Variants in CLN6 observed in about 807,000 individuals in gnomAD.
The protein encoded by CLN6 is CLN6 transmembrane ER protein.
CLN6 carries 22 observed loss-of-function variants against 33.3 expected under a neutral mutation model. The observed-to-expected ratio is 0.66, with a 90% CI of 0.47 to 0.94. CLN6 has a LOEUF of 0.94. Ranked by LOEUF, CLN6 falls within the 40% of genes least tolerant of loss-of-function variation. CLN6 has a pLI of 0.00. For synonymous variants in CLN6, 201 were observed against 174.6 expected, an observed-to-expected ratio of 1.15 and a Z score of -1.19; for missense variants, 387 against 417.1, an observed-to-expected ratio of 0.93 and a Z score of 0.63.
chr15:68,227,816 G>A lies in CLN6; in HGVS notation c.83+1686C>T, dbSNP rs2141154634. On this transcript the variant is annotated intron_variant, in intron 1 of 6. Transcript: ENST00000249806. This position sits in a 1 kb window ranked among gnomAD's most constrained non-coding sequence, Gnocchi z 4.1. ...AGACTGAGTAAGATGCTAGACATGGGAGCCCCACACAGGAGATAAAGTGGT... is the reference window on the plus strand; with the variant it reads ...AGACTGAGTAAGATGCTAGACATGGAAGCCCCACACAGGAGATAAAGTGGT... 6.6e-6 allele frequency among the ~76,000 whole-genome samples: 1 copy of A among 152,302 alleles called. No individual in the cohort carries two copies. The highest frequency in any genetic ancestry group is 2.1e-4 in the South Asian group (1 of 4,826).
rs369814676 is a variant in CLN6, at chr15:68,241,453, G to A, written c.179+15237C>T. Among the ~76,000 whole-genome samples, 5 of 152,114 alleles carry A rather than the reference G, an allele frequency of 3.3e-5. No individual in the cohort carries two copies. Among genetic ancestry groups the A allele is most frequent in the Non-Finnish European group, 4.4e-5 (3 of 68,028 alleles). On this transcript the variant is annotated intron_variant, in intron 1 of 6. Transcript: ENST00000538696. This position sits in a 1 kb window ranked among gnomAD's most constrained non-coding sequence, Gnocchi z 4.2. ...GCACCAAGTGTGTGGGAAATTTCCC[G>A]ACTCAACGATTTCTGCACTGGAAAA...
exon 1 of CLN6, chr15:68,257,057 G>T: frequency 2.1e-6 from 1 of 479,322 alleles, no homozygotes; most frequent in South Asian, 3.8e-5. Flanking sequence ...CTGGTGCCAT[G>T]CGGTTGGGCC....
rs372162724 is a variant in CLN6, at chr15:68,236,421, A to G, written c.180-17771T>C. On this transcript the variant is annotated intron_variant, in intron 1 of 6. Transcript: ENST00000538696. The surrounding 1 kb of genome is among the most constrained non-coding windows in gnomAD (Gnocchi z 4.5). ...AAATTCAGTGGACTATTATACAGCT[A>G]TAAGAAGGCACTAAGTACTGATGTA... is the stretch of plus-strand genomic sequence containing the variant. Among the ~76,000 whole-genome samples the G allele has an allele frequency of 8.5e-5, 13 of 152,372 alleles. No homozygotes were observed. The East Asian group carries it at 1.5e-3, about 18-fold the overall frequency.
At position 68,211,727 on chromosome 15, in the gene CLN6, T is replaced by C. The variant is rs796052354; in HGVS notation, c.434A>G (p.His145Arg). ...GATGGGGTTCTCACGGACAGACAGG[T>C]GGTGCTGGTAGCCACTGAAGAGCAG... Reference protein sequence around the residue: ...HRLLFSGYQHHLSVRENPIIK... With the variant: ...HRLLFSGYQHRLSVRENPIIK... The change falls in exon 4 of 7, where the codon CAC becomes CGC. Residue 145 changes from histidine (H) to arginine (R), a missense_variant. Coordinates refer to ENST00000249806, the MANE Select transcript of CLN6 (RefSeq NM_017882.3). The surrounding 1 kb of genome is among the most constrained non-coding windows in gnomAD (Gnocchi z 5.9). 2 of 1,613,706 alleles carry C rather than the reference T, an allele frequency of 1.2e-6. No individual in the cohort carries two copies. Among genetic ancestry groups the C allele is most frequent in the African/African-American group, 2.7e-5 (2 of 74,860 alleles).
chr15:68,249,472 C>A (rs1012192063), intron 1 of CLN6, among the ~76,000 whole-genome samples: 2 of 152,164 alleles, frequency 1.3e-5, no homozygotes, highest in African/African-American at 4.8e-5. Flanking sequence ...TATAGATATA[C>A]AATGGAATAC....
Position 68,211,579 on chromosome 15 carries a change from G to A in CLN6, c.486+96C>T, listed in dbSNP as rs1481255049. The A allele has an allele frequency of 4.4e-6, 7 of 1,602,190 alleles. No individual in the cohort carries two copies. Among genetic ancestry groups the A allele is most frequent in the Non-Finnish European group, 5.9e-6 (7 of 1,179,722 alleles). On this transcript the variant is annotated intron_variant, in intron 4 of 6. Transcript: ENST00000249806. This position sits in a 1 kb window ranked among gnomAD's most constrained non-coding sequence, Gnocchi z 5.9. Reference sequence around the variant, plus strand: ...ACCTAGCAGAATGCCTTTGGTGAAAGGACAGGTGCGGCGAGGGGTGGGGGC... The same window carrying A: ...ACCTAGCAGAATGCCTTTGGTGAAAAGACAGGTGCGGCGAGGGGTGGGGGC...
chr15:68,239,480 T>C (rs1222438126), intron 1 of CLN6, among the ~76,000 whole-genome samples: 1 of 152,176 alleles, frequency 6.6e-6, no homozygotes, highest in Admixed American at 6.5e-5. Context: ...GGTGTAACTA[T>C]ATTGTCATTT....
intron 1 of CLN6, among the ~76,000 whole-genome samples, chr15:68,248,665 A>G (rs1892349761): frequency 6.6e-6 from 1 of 152,060 alleles, no homozygotes; most frequent in East Asian, 1.9e-4. Flanking sequence ...AAAAAAAAAA[A>G]AAAAAATCTA....
chr15:68,214,355 T>G lies in CLN6; in HGVS notation c.232A>C (p.Lys78Gln), dbSNP rs2093214622. Reference sequence around the variant, plus strand: ...TGGAAGTAGTCCCCAACACTGGGCTTGTTGAGTGGAAACCACTCGAGAGGG... The same window carrying G: ...TGGAAGTAGTCCCCAACACTGGGCTGGTTGAGTGGAAACCACTCGAGAGGG... Reference protein sequence around the residue: ...VFPLEWFPLNKPSVGDYFHMA... With the variant: ...VFPLEWFPLNQPSVGDYFHMA... Residue 78 changes from lysine to glutamine, a missense_variant, in exon 3 of 7, where the codon AAG (lysine) becomes CAG (glutamine). Lys to Gln is a moderately conservative substitution (Grantham distance 53, BLOSUM62 1). Transcript: ENST00000249806. The G allele has an allele frequency of 7.4e-6, 12 of 1,614,046 alleles. No individual in the cohort carries two copies. In the East Asian group the frequency reaches 2.7e-4, roughly 36 times the overall value.
In CLN6 at chr15:68,221,026, ATTT is replaced by A. The variant is rs1555439481; in HGVS notation, c.84-2379_84-2377del. Among the ~76,000 whole-genome samples, 124 of 97,378 alleles carry A rather than the reference ATTT, an allele frequency of 1.3e-3. 1 individual carries two copies. The highest frequency in any genetic ancestry group is 4.1e-3 in the Admixed American group (39 of 9,568). 63.9% of individuals were successfully genotyped at this position (97,378 alleles called of 152,430 possible). Reference sequence around the variant, plus strand: ...TATTATTATTATTATTATTATTATTATTTTTTGTAGAGATGAGGTCTCACTATG... The same window carrying A: ...TATTATTATTATTATTATTATTATTATTTGTAGAGATGAGGTCTCACTATG... On this transcript the variant is annotated intron_variant, in intron 1 of 6. Coordinates refer to ENST00000249806, the MANE Select transcript of CLN6 (RefSeq NM_017882.3).
chr15:68,208,106 A>ACCCCCC lies in CLN6; in HGVS notation c.*33_*34insGGGGGG. On this transcript the variant is annotated 3_prime_UTR_variant, in exon 7 of 7. Transcript: ENST00000249806. The surrounding 1 kb of genome is among the most constrained non-coding windows in gnomAD (Gnocchi z 5.8). Reference sequence around the variant, plus strand: ...GATGCCCTCCATGGCCCACCCTCCCACCCAGCAGAGCGCCAGAGCCTGGTG... The same window carrying ACCCCCC: ...GATGCCCTCCATGGCCCACCCTCCCACCCCCCCCCAGCAGAGCGCCAGAGCCTGGTG... The ACCCCCC allele has an allele frequency of 2.3e-6, 1 of 441,376 alleles. No individual in the cohort carries two copies. The highest frequency in any genetic ancestry group is 3.9e-6 in the Non-Finnish European group (1 of 255,544). 27.3% of individuals were successfully genotyped at this position (441,376 alleles called of 1,614,324 possible). A position where few individuals can be genotyped will look rare whatever the true frequency, so the allele number is the denominator to read the frequency against.
rs190681632 is a variant in CLN6 at position 68,242,041 on chromosome 15, C to T, written c.179+14649G>A. Among the ~76,000 whole-genome samples, 169 of 151,706 alleles carry T rather than the reference C, an allele frequency of 1.1e-3. 1 individual carries two copies. The highest frequency in any genetic ancestry group is 4.0e-3 in the African/African-American group (164 of 41,360). ...CAATGCAAAGATGTAGATGTATATCCACAAGAAATAACAGGAAACAGGAAA... is the reference window on the plus strand; with the variant it reads ...CAATGCAAAGATGTAGATGTATATCTACAAGAAATAACAGGAAACAGGAAA... On this transcript the variant is annotated intron_variant, in intron 1 of 6. Transcript: ENST00000538696. The surrounding 1 kb of genome is among the most constrained non-coding windows in gnomAD (Gnocchi z 5.0).
In CLN6 at chr15:68,236,929, G is replaced by A. The variant is rs1049155233; in HGVS notation, c.180-18279C>T. Among the ~76,000 whole-genome samples the A allele has an allele frequency of 7.9e-5, 12 of 151,116 alleles. No individual in the cohort carries two copies. The highest frequency in any genetic ancestry group is 2.9e-4 in the African/African-American group (12 of 41,062). ...TCCCAGCACTTTGGGAGGCCGAGGC[G>A]GGTGGATCATGAGGTCAGGAGATCG... is the stretch of plus-strand genomic sequence containing the variant. On this transcript the variant is annotated intron_variant, in intron 1 of 6. Coordinates refer to the CLN6 transcript ENST00000538696. The surrounding 1 kb of genome is among the most constrained non-coding windows in gnomAD (Gnocchi z 4.5).
chr15:68,255,156 G>C (rs1892420709), intron 1 of CLN6, among the ~76,000 whole-genome samples: 1 of 152,224 alleles, frequency 6.6e-6, no homozygotes, highest in Admixed American at 6.5e-5. Context: ...TTGGCTCCCA[G>C]GAAGGGGGAT....
At chr15:68,226,559 T>A (rs552878692) in intron 1 of CLN6, among the ~76,000 whole-genome samples, 2 of 151,990 alleles carry the variant, frequency 1.3e-5, no homozygotes, top group South Asian at 4.2e-4. Context: ...CTCCGCCTCC[T>A]GAGTTCAAGT....
rs2093192469 is a variant in CLN6 at position 68,207,996 on chromosome 15, ACACGAATCCACG to A, written c.*132_*143del. ...ATATACAAGACACACACACACACACACACGAATCCACGCACACGAGGCACACCCCACTCATGC... is the reference window on the plus strand; with the variant it reads ...ATATACAAGACACACACACACACACACACACGAGGCACACCCCACTCATGC... On this transcript the variant is annotated 3_prime_UTR_variant, in exon 7 of 7. Coordinates refer to ENST00000249806, the MANE Select transcript of CLN6 (RefSeq NM_017882.3). 5 of 748,840 alleles carry A rather than the reference ACACGAATCCACG, an allele frequency of 6.7e-6. No homozygotes were observed. In the South Asian group the frequency reaches 8.2e-5, roughly 12 times the overall value. The allele number at this position is 748,840 out of a possible 1,614,324, so 46.4% of individuals were successfully genotyped here. A position where few individuals can be genotyped will look rare whatever the true frequency, so the allele number is the denominator to read the frequency against.
chr15:68,220,100 G>A lies in CLN6; in HGVS notation c.84-1450C>T, dbSNP rs2093231417. ...CAAGGATGATCCATACTGGCTGGTA[G>A]AGTACCCCAGGACAGGGAGGCAAGC... On this transcript the variant is annotated intron_variant, in intron 1 of 6. Transcript: ENST00000249806. The surrounding 1 kb of genome is among the most constrained non-coding windows in gnomAD (Gnocchi z 4.2). Among the ~76,000 whole-genome samples the A allele has an allele frequency of 6.6e-6, 1 of 152,204 alleles. No individual in the cohort carries two copies. Among genetic ancestry groups the A allele is most frequent in the Non-Finnish European group, 1.5e-5 (1 of 68,046 alleles).
rs1567095193 is a variant in CLN6, at chr15:68,209,847, A to T, written c.543-88T>A. 6.4e-7 allele frequency: 1 copy of T among 1,568,412 alleles called. No individual in the cohort carries two copies. Among genetic ancestry groups the T allele is most frequent in the Non-Finnish European group, 8.7e-7 (1 of 1,146,306 alleles). ...CAACCACTCCCATGGGGTCTCATGG[A>T]GTGCCACGTCACAGTTTACAAAACG... On this transcript the variant is annotated intron_variant, in intron 5 of 6. Coordinates refer to ENST00000249806, the MANE Select transcript of CLN6 (RefSeq NM_017882.3). The surrounding 1 kb of genome is among the most constrained non-coding windows in gnomAD (Gnocchi z 4.9).
intron 1 of CLN6, among the ~76,000 whole-genome samples, chr15:68,237,017 C>T (rs58910933): frequency 0.022 from 3,276 of 150,952 alleles, 108 homozygotes; most frequent in African/African-American, 0.076. Flanking sequence ...ATTAGCCGGG[C>T]GCGGTGGCGG....
Sources: allele counts gnomAD v4.1 joint callset (sites outside exome capture counted in the v4.1 genomes callset), GRCh38; gene constraint gnomAD v4.1.1; non-coding constraint Gnocchi (gnomAD v3.1); transcripts MANE v1.5; gene names NCBI Gene and HGNC (gene_info 2026-07-23, HGNC 2026-07-21).